ACOXL: variants seen among roughly 807,000 people sequenced by gnomAD.
ACOXL encodes acyl-CoA oxidase like.
In ACOXL, 70 loss-of-function variants were observed where a neutral mutation model predicts 71.9. That is an observed-to-expected ratio of 0.97 (90% CI 0.80 to 1.19). ACOXL has a LOEUF of 1.19. Among genes scored for constraint, ACOXL ranks in the 50% most tolerant of loss-of-function variants. The pLI, the probability that ACOXL is intolerant of heterozygous loss-of-function variation, is 0.00. For missense variants in ACOXL, 703 were observed against 736.3 expected, an observed-to-expected ratio of 0.95 and a Z score of 0.52; for synonymous variants, 253 against 281.6, an observed-to-expected ratio of 0.90 and a Z score of 1.02.
At chr2:110,789,581 G>C (rs1221406060) in intron 3 of ACOXL, among the ~76,000 whole-genome samples, 1 of 152,132 alleles carries the variant, frequency 6.6e-6, no homozygotes, top group Non-Finnish European at 1.5e-5. Context: ...GAGAGGTGCT[G>C]CTTTTTCTTC....
At chr2:111,083,172 TA>T (rs1410457447) in intron 16 of ACOXL, among the ~76,000 whole-genome samples, 1 of 152,078 alleles carries the variant, frequency 6.6e-6, no homozygotes, top group African/African-American at 2.4e-5. Flanking sequence ...TCCCAGAACT[TA>T]AATTATAATA....
At chr2:110,996,533 T>G (rs1574428300) in intron 14 of ACOXL, among the ~76,000 whole-genome samples, 1 of 152,174 alleles carries the variant, frequency 6.6e-6, no homozygotes, top group South Asian at 2.1e-4. Flanking sequence ...CTGTCCACCC[T>G]AGCAATATCT....
chr2:110,842,025 A>G (rs1017637273), intron 10 of ACOXL, among the ~76,000 whole-genome samples: 1 of 152,162 alleles, frequency 6.6e-6, no homozygotes, highest in Non-Finnish European at 1.5e-5. Context: ...GTCCTTACAA[A>G]AACTGTGCTC....
At chr2:110,788,619 C>T (rs1684275076) in intron 3 of ACOXL, among the ~76,000 whole-genome samples, 1 of 152,012 alleles carries the variant, frequency 6.6e-6, no homozygotes, top group African/African-American at 2.4e-5. Context: ...TTAAAAGTGG[C>T]TAAAATGGCA....
At chr2:110,946,478 T>G (rs1342707462) in intron 12 of ACOXL, among the ~76,000 whole-genome samples, 1 of 152,130 alleles carries the variant, frequency 6.6e-6, no homozygotes, top group African/African-American at 2.4e-5. Context: ...GGGGGAATGG[T>G]TTCAGCTTTT....
Position 110,968,702 on chromosome 2 carries a change from G to T in ACOXL, c.1060-18406G>T, listed in dbSNP as rs909205115. On this transcript the variant is annotated intron_variant, in intron 12 of 17. Coordinates refer to ENST00000439055, the MANE Select transcript of ACOXL (RefSeq NM_001142807.4). Reference sequence around the variant, plus strand: ...GAAGGCAAGCTTCCTCAGAGCTCAGGAGCGGGCTGCTGAGAGCTACACCAA... The same window carrying T: ...GAAGGCAAGCTTCCTCAGAGCTCAGTAGCGGGCTGCTGAGAGCTACACCAA... The T allele has an allele frequency of 3.5e-6, 4 of 1,139,930 alleles. No homozygotes were observed. In the Admixed American group the frequency reaches 9.8e-5, roughly 28 times the overall value. 70.6% of individuals were successfully genotyped at this position (1,139,930 alleles called of 1,614,324 possible). A position where few individuals can be genotyped will look rare whatever the true frequency, so the allele number is the denominator to read the frequency against.
At chr2:111,063,174 C>G (rs1420795497) in intron 16 of ACOXL, among the ~76,000 whole-genome samples, 1 of 152,066 alleles carries the variant, frequency 6.6e-6, no homozygotes, top group African/African-American at 2.4e-5. Context: ...AAATTCCAGG[C>G]CCAGATACTT....
At chr2:110,876,336 G>T (rs1695896184) in intron 10 of ACOXL, among the ~76,000 whole-genome samples, 4 of 152,216 alleles carry the variant, frequency 2.6e-5, no homozygotes, top group Non-Finnish European at 4.4e-5. Flanking sequence ...AGGGTTCTGG[G>T]CTGTGCAGGT....
At chr2:110,751,539 G>A (rs1259983675) in intron 1 of ACOXL, among the ~76,000 whole-genome samples, 1 of 152,142 alleles carries the variant, frequency 6.6e-6, no homozygotes. Context: ...TGTGCATACT[G>A]CTAAGAAGAC....
intron 9 of ACOXL, among the ~76,000 whole-genome samples, chr2:110,810,907 C>T (rs1288385341): frequency 2.0e-5 from 3 of 152,190 alleles, no homozygotes; most frequent in Admixed American, 6.5e-5. Flanking sequence ...GAAGCAAACA[C>T]GTCCTTCTCC....
At chr2:110,999,492 G>A (rs1307180291) in intron 14 of ACOXL, among the ~76,000 whole-genome samples, 2 of 152,126 alleles carry the variant, frequency 1.3e-5, no homozygotes, top group African/African-American at 4.8e-5. Context: ...CCATGAGCCT[G>A]TATGTGCCAA....
intron 16 of ACOXL, among the ~76,000 whole-genome samples, chr2:111,064,354 T>G (rs1412844059): frequency 6.9e-6 from 1 of 145,350 alleles, no homozygotes; most frequent in African/African-American, 2.6e-5. Context: ...GAGAATGGCG[T>G]GAACTTGGGA....
chr2:110,873,789 C>T (rs1872061), intron 10 of ACOXL, among the ~76,000 whole-genome samples: 1,603 of 152,344 alleles, frequency 0.011, 29 homozygotes, highest in African/African-American at 0.036. Context: ...TTTTCTACGT[C>T]TGTCCAGTAG....
At chr2:110,893,054 A>G (rs1574017731) in intron 10 of ACOXL, among the ~76,000 whole-genome samples, 1 of 152,208 alleles carries the variant, frequency 6.6e-6, no homozygotes, top group Non-Finnish European at 1.5e-5. Context: ...GCAAAGTACA[A>G]TAAGTGACCC....
At chr2:110,952,244 T>C (rs1416993224) in intron 12 of ACOXL, among the ~76,000 whole-genome samples, 1 of 152,300 alleles carries the variant, frequency 6.6e-6, no homozygotes, top group Non-Finnish European at 1.5e-5. Flanking sequence ...TTCTTCTTAG[T>C]TTTAAAATTT....
intron 11 of ACOXL, among the ~76,000 whole-genome samples, chr2:110,927,593 CTGGAATAA>C: frequency 6.6e-6 from 1 of 152,366 alleles, no homozygotes; most frequent in Non-Finnish European, 1.5e-5. Context: ...TGAGCCCCTT[CTGGAATAA>C]GGAGCCCCCA....
chr2:110,998,383 CAG>C (rs1297214024), intron 14 of ACOXL, among the ~76,000 whole-genome samples: 1 of 152,190 alleles, frequency 6.6e-6, no homozygotes, highest in Non-Finnish European at 1.5e-5. Flanking sequence ...TTTGTGTAAT[CAG>C]AGCAAAGCAA....
Position 110,941,394 on chromosome 2 carries a change from G to T in ACOXL, c.1059+7752G>T, listed in dbSNP as rs961265919. Among the ~76,000 whole-genome samples the T allele has an allele frequency of 2.0e-5, 3 of 152,206 alleles. No homozygotes were observed. In the South Asian group the frequency reaches 6.2e-4, roughly 31 times the overall value. On this transcript the variant is annotated intron_variant, in intron 12 of 17. Coordinates refer to ENST00000439055, the MANE Select transcript of ACOXL (RefSeq NM_001142807.4). ...CTAAACAGTTTGCAAGACACCGGAC[G>T]TCACTGGACAGCTGCTGACATTCCC...
intron 11 of ACOXL, among the ~76,000 whole-genome samples, chr2:110,914,760 G>A (rs1339616323): frequency 3.3e-5 from 5 of 152,120 alleles, no homozygotes; most frequent in African/African-American, 1.2e-4. Flanking sequence ...TTGACTTCAG[G>A]TGAAAATGCG....
Sources: allele counts gnomAD v4.1 joint callset (sites outside exome capture counted in the v4.1 genomes callset), GRCh38; gene constraint gnomAD v4.1.1; transcripts MANE v1.5; gene names NCBI Gene and HGNC (gene_info 2026-07-23, HGNC 2026-07-21).